Variants in SERBP1 observed in about 807,000 individuals in gnomAD.
SERBP1 encodes SERPINE1 mRNA-binding protein 1.
In SERBP1, 6 loss-of-function variants were observed where a neutral mutation model predicts 50.2. The observed-to-expected ratio is 0.12, with a 90% CI of 0.07 to 0.24. SERBP1 has a LOEUF of 0.24. SERBP1 is among the 10% of genes least tolerant of loss of function. The pLI, the probability that SERBP1 is intolerant of heterozygous loss-of-function variation, is 1.00. For missense variants in SERBP1, 346 were observed against 524.9 expected, an observed-to-expected ratio of 0.66 and a Z score of 3.33; for synonymous variants, 168 against 182.8, an observed-to-expected ratio of 0.92 and a Z score of 0.65.
chr1:67,428,727 A>G (rs1247882737), intron 1 of SERBP1, among the ~76,000 whole-genome samples: 3 of 147,624 alleles, frequency 2.0e-5, no homozygotes, highest in South Asian at 2.1e-4. Context: ...GAGCCTCACA[A>G]AAGTCCTCAA....
chr1:67,416,250 C>A (rs1002485305), intron 6 of SERBP1, among the ~76,000 whole-genome samples: 2 of 152,172 alleles, frequency 1.3e-5, no homozygotes, highest in South Asian at 4.1e-4. Flanking sequence ...TAGGCTCAAG[C>A]GATCCGCTGG....
chr1:67,426,784 G>A lies in SERBP1; in HGVS notation c.314-499C>T, dbSNP rs562830384. ...AGATATGGCCCCTCACAAAAGTGAG[G>A]GCCGCACTATGTTATTCTATCTAAT... On this transcript the variant is annotated intron_variant, in intron 1 of 7. Coordinates refer to ENST00000361219, the MANE Select transcript of SERBP1 (RefSeq NM_001018069.2). Among the ~76,000 whole-genome samples, 5 of 151,892 alleles carry A rather than the reference G, an allele frequency of 3.3e-5. No individual in the cohort carries two copies. The South Asian group carries it at 8.3e-4, about 25-fold the overall frequency.
chr1:67,413,048 G>C lies in SERBP1; in HGVS notation c.*159C>G. On this transcript the variant is annotated 3_prime_UTR_variant, in exon 8 of 8. Coordinates refer to ENST00000361219, the MANE Select transcript of SERBP1 (RefSeq NM_001018069.2). ...TTGTTACTTCTGTGTAGCGGGAGAA[G>C]TTCATTTTTAAAACAGATAAAATTC... The C allele has an allele frequency of 1.1e-6, 1 of 936,128 alleles. No homozygotes were observed. The highest frequency in any genetic ancestry group is 1.8e-5 in the African/African-American group (1 of 56,382). The allele number at this position is 936,128 out of a possible 1,614,324, so 58.0% of individuals were successfully genotyped here.
intron 5 of SERBP1, among the ~76,000 whole-genome samples, chr1:67,420,724 G>A (rs768282374): frequency 6.6e-6 from 1 of 152,088 alleles, no homozygotes; most frequent in Non-Finnish European, 1.5e-5. Context: ...AACAATAGCC[G>A]TGTTTCTACA....
chr1:67,413,853 A>AT (rs1666920678), intron 7 of SERBP1, among the ~76,000 whole-genome samples: 1 of 151,714 alleles, frequency 6.6e-6, no homozygotes, highest in African/African-American at 2.4e-5. Flanking sequence ...GTTGCTCAGG[A>AT]TGGAGTGCAG....
rs1264763053 is a variant in SERBP1 at position 67,408,143 on chromosome 1, G to C, written c.*5064C>G. On this transcript the variant is annotated 3_prime_UTR_variant, in exon 8 of 8. Transcript: ENST00000361219. ...CCTTCACTTTCCATGCTTCCACCCA[G>C]TAACACCTAAAGCAACTATTTAAGG... The C allele has an allele frequency of 2.0e-5, 3 of 152,062 alleles. No homozygotes were observed. Among genetic ancestry groups the C allele is most frequent in the Admixed American group, 6.6e-5 (1 of 15,248 alleles). 9.4% of individuals were successfully genotyped at this position (152,062 alleles called of 1,614,324 possible). A position where few individuals can be genotyped will look rare whatever the true frequency, so the allele number is the denominator to read the frequency against.
At chr1:67,429,858 G>T (rs1042373767) in intron 1 of SERBP1, 130 bp downstream of exon 1, 3 of 1,058,404 alleles carry the variant, frequency 2.8e-6, no homozygotes, top group East Asian at 2.6e-5. Flanking sequence ...TTTGTCGCGT[G>T]AAGAAACGTG....
At chr1:67,421,821 G>T (rs1488097616) in intron 5 of SERBP1, among the ~76,000 whole-genome samples, 4 of 152,144 alleles carry the variant, frequency 2.6e-5, no homozygotes, top group African/African-American at 9.7e-5. Context: ...AGGCATGGTG[G>T]AGCATGCCTG....
At position 67,411,654 on chromosome 1, in the gene SERBP1, TAA is replaced by T. The variant is rs1666849299; in HGVS notation, c.*1551_*1552del. On this transcript the variant is annotated 3_prime_UTR_variant, in exon 8 of 8. Transcript: ENST00000361219. Reference sequence around the variant, plus strand: ...TATCCAAAAAGTAACTCTTATAACATAAAAGTTTCTTTTAGAAGTATATGTGA... The same window carrying T: ...TATCCAAAAAGTAACTCTTATAACATAAGTTTCTTTTAGAAGTATATGTGA... 1 of 152,178 alleles carries T rather than the reference TAA, an allele frequency of 6.6e-6. No homozygotes were observed. Among genetic ancestry groups the T allele is most frequent in the Non-Finnish European group, 1.5e-5 (1 of 68,020 alleles). 9.4% of individuals were successfully genotyped at this position (152,178 alleles called of 1,614,324 possible). A position where few individuals can be genotyped will look rare whatever the true frequency, so the allele number is the denominator to read the frequency against.
intron 5 of SERBP1, among the ~76,000 whole-genome samples, chr1:67,421,361 A>G (rs1342259589): frequency 6.6e-6 from 1 of 152,232 alleles, no homozygotes; most frequent in Non-Finnish European, 1.5e-5. Flanking sequence ...CAAGGATTAA[A>G]TAAAAACCAA....
intron 5 of SERBP1, among the ~76,000 whole-genome samples, chr1:67,423,514 G>GA (rs1419889203): frequency 1.3e-4 from 19 of 151,794 alleles, no homozygotes; most frequent in Admixed American, 3.3e-4. Context: ...GGCTGACGTG[G>GA]AAGGATCATT....
intron 1 of SERBP1, chr1:67,429,666 A>C: frequency 4.0e-6 from 1 of 250,538 alleles, no homozygotes; most frequent in Non-Finnish European, 7.7e-6. Flanking sequence ...CTCACCCGCC[A>C]AGGAATCCGG....
rs1667498650 is a variant in SERBP1, at chr1:67,429,574, A to G, written c.313+414T>C. On this transcript the variant is annotated intron_variant, in intron 1 of 7. Transcript: ENST00000361219. The stretch of plus-strand genomic sequence containing the variant: ...CTCAAAGGAGCAGCTCTGCGCAGTA[A>G]GCAGCGATGGACCCCCAAGCTCCTC... 2.4e-5 allele frequency: 4 copies of G among 167,282 alleles called. No individual in the cohort carries two copies. In the South Asian group the frequency reaches 6.0e-4, roughly 25 times the overall value. The allele number at this position is 167,282 out of a possible 1,614,324, so 10.4% of individuals were successfully genotyped here.
chr1:67,412,922 G>A lies in SERBP1; in HGVS notation c.*285C>T, dbSNP rs1666887549. The stretch of plus-strand genomic sequence containing the variant: ...CAAGTTTGGAAATGCATATTTGCAA[G>A]CAGCAATACAAAAGTATTCATGAAG... On this transcript the variant is annotated 3_prime_UTR_variant, in exon 8 of 8. Transcript: ENST00000361219. 1 of 419,692 alleles carries A rather than the reference G, an allele frequency of 2.4e-6. No homozygotes were observed. The highest frequency in any genetic ancestry group is 4.2e-6 in the Non-Finnish European group (1 of 237,600). The allele number at this position is 419,692 out of a possible 1,614,324, so 26.0% of individuals were successfully genotyped here.
At position 67,410,853 on chromosome 1, in the gene SERBP1, T is replaced by A. The variant is rs921382265; in HGVS notation, c.*2354A>T. 10 of 152,130 alleles carry A rather than the reference T, an allele frequency of 6.6e-5. No individual in the cohort carries two copies. Among genetic ancestry groups the A allele is most frequent in the African/African-American group, 2.4e-4 (10 of 41,432 alleles). 9.4% of individuals were successfully genotyped at this position (152,130 alleles called of 1,614,324 possible). A position where few individuals can be genotyped will look rare whatever the true frequency, so the allele number is the denominator to read the frequency against. On this transcript the variant is annotated 3_prime_UTR_variant, in exon 8 of 8. Transcript: ENST00000361219. ...TTTGTATTTTACAAGAATTCAACTTTCCCAATTAAGTCATTAGTCATTAAG... is the reference window on the plus strand; with the variant it reads ...TTTGTATTTTACAAGAATTCAACTTACCCAATTAAGTCATTAGTCATTAAG...
intron 6 of SERBP1, chr1:67,417,107 C>A (rs533421985): frequency 6.6e-6 from 1 of 152,210 alleles, no homozygotes; most frequent in Non-Finnish European, 1.5e-5. Flanking sequence ...CTAGAAGGAT[C>A]GCTTGAGCAC....
chr1:67,422,635 C>T (rs1042013926), intron 5 of SERBP1, among the ~76,000 whole-genome samples: 1 of 151,628 alleles, frequency 6.6e-6, no homozygotes. Context: ...GACTTTAAAC[C>T]ACAATACTGT....
In SERBP1 at chr1:67,409,402, C is replaced by T. The variant is rs1469576762; in HGVS notation, c.*3805G>A. 1.9e-5 allele frequency: 2 copies of T among 105,534 alleles called. No homozygotes were observed. Among genetic ancestry groups the T allele is most frequent in the Non-Finnish European group, 3.8e-5 (2 of 52,940 alleles). The allele number at this position is 105,534 out of a possible 1,614,324, so 6.5% of individuals were successfully genotyped here. Reference sequence around the variant, plus strand: ...AGGGACACGGACACACACACACACACACACACACACACACACACCCCCACA... The same window carrying T: ...AGGGACACGGACACACACACACACATACACACACACACACACACCCCCACA... On this transcript the variant is annotated 3_prime_UTR_variant, in exon 8 of 8. Transcript: ENST00000361219.
rs1217631218 is a variant in SERBP1, at chr1:67,408,936, C to G, written c.*4271G>C. The G allele has an allele frequency of 6.6e-6, 1 of 151,960 alleles. No homozygotes were observed. Among genetic ancestry groups the G allele is most frequent in the East Asian group, 1.9e-4 (1 of 5,152 alleles). The allele number at this position is 151,960 out of a possible 1,614,324, so 9.4% of individuals were successfully genotyped here. The stretch of plus-strand genomic sequence containing the variant: ...TTTCACAGCTTCCTGTTGGGTAGAC[C>G]ACTTAATTTGTACCTAGAACTAAAC... On this transcript the variant is annotated 3_prime_UTR_variant, in exon 8 of 8. Coordinates refer to ENST00000361219, the MANE Select transcript of SERBP1 (RefSeq NM_001018069.2).
Sources: gnomAD v4.1 joint callset for allele counts (sites outside exome capture counted in the v4.1 genomes callset) on GRCh38, gnomAD v4.1.1 for gene constraint, MANE v1.5 for transcripts, NCBI Gene and HGNC (gene_info 2026-07-23, HGNC 2026-07-21) for gene names.